RAB22A: variants seen among roughly 807,000 people sequenced by gnomAD.
RAB22A encodes the protein RAB22A, member RAS oncogene family, also known as ras-related protein Rab-22A.
In RAB22A, 13 loss-of-function variants were observed where a neutral mutation model predicts 30.2. The observed-to-expected ratio is 0.43, with a 90% CI of 0.28 to 0.68. The LOEUF is 0.68. Ranked by LOEUF, RAB22A falls within the 30% of genes least tolerant of loss-of-function variation. The probability of loss-of-function intolerance (pLI) is 0.18; values close to 1 mark genes in which losing one functional copy is unlikely to be tolerated. For missense variants in RAB22A, 177 were observed against 246.8 expected, an observed-to-expected ratio of 0.72 and a Z score of 1.89; for synonymous variants, 89 against 87.2, an observed-to-expected ratio of 1.02 and a Z score of -0.11.
intron 6 of RAB22A, among the ~76,000 whole-genome samples, chr20:58,357,031 T>A (rs1384347745): frequency 6.6e-6 from 1 of 152,246 alleles, no homozygotes; most frequent in African/African-American, 2.4e-5. Context: ...TAGGTATATT[T>A]ATACCCACAA....
At chr20:58,359,486 T>G in intron 6 of RAB22A, 120 bp from the exon 7 acceptor site, 2 of 660,298 alleles carry the variant, frequency 3.0e-6, no homozygotes, top group Non-Finnish European at 4.8e-6. Context: ...GTATAAAAAG[T>G]TTATTAAACT....
chr20:58,317,022 T>C (rs1986354347), intron 2 of RAB22A, among the ~76,000 whole-genome samples: 1 of 152,210 alleles, frequency 6.6e-6, no homozygotes, highest in Non-Finnish European at 1.5e-5. Context: ...TTCATGGAGA[T>C]GAGACATGGA....
chr20:58,311,708 T>C (rs978955255), intron 2 of RAB22A, among the ~76,000 whole-genome samples: 8 of 152,242 alleles, frequency 5.3e-5, no homozygotes, highest in African/African-American at 1.9e-4. Context: ...AGTTGTGTTT[T>C]ATAGGCTTTA....
chr20:58,332,832 C>G (rs187475762), intron 2 of RAB22A, among the ~76,000 whole-genome samples: 2 of 151,632 alleles, frequency 1.3e-5, no homozygotes, highest in Non-Finnish European at 2.9e-5. Context: ...TGCTGATAAC[C>G]GGAAATAAAG....
intron 2 of RAB22A, among the ~76,000 whole-genome samples, chr20:58,312,590 G>A (rs566076219): frequency 1.6e-4 from 21 of 134,304 alleles, no homozygotes; most frequent in Admixed American, 1.0e-3. Context: ...CTGGATTCAC[G>A]CCATTCTCCT....
intron 2 of RAB22A, 135 bp from the exon 3 acceptor site, chr20:58,343,583 C>T: frequency 3.2e-6 from 2 of 630,128 alleles, no homozygotes; most frequent in Non-Finnish European, 5.6e-6. Context: ...ATAAATACTC[C>T]AGAGAGGAAC....
chr20:58,327,923 G>A (rs765009242), intron 2 of RAB22A, among the ~76,000 whole-genome samples: 2 of 152,128 alleles, frequency 1.3e-5, no homozygotes, highest in African/African-American at 2.4e-5. Flanking sequence ...ACAATTAAAC[G>A]CAACATGTGC....
rs146257889 is a variant in RAB22A, at chr20:58,322,197, A to G, written c.116+11075A>G. On this transcript the variant is annotated intron_variant, in intron 2 of 6. Coordinates refer to ENST00000244040, the MANE Select transcript of RAB22A (RefSeq NM_020673.3). ...CGTTCTGAATTCTACTTGGTCTGATATTAATTTAAGCTCTTTGGCATTCTA... is the reference window on the plus strand; with the variant it reads ...CGTTCTGAATTCTACTTGGTCTGATGTTAATTTAAGCTCTTTGGCATTCTA... Among the ~76,000 whole-genome samples the G allele has an allele frequency of 4.3e-3, 658 of 152,316 alleles. 5 individuals are homozygous for G. Among genetic ancestry groups the G allele is most frequent in the African/African-American group, 0.015 (639 of 41,568 alleles).
intron 6 of RAB22A, among the ~76,000 whole-genome samples, chr20:58,355,969 T>A (rs775064035): frequency 6.6e-6 from 1 of 152,180 alleles, no homozygotes; most frequent in Non-Finnish European, 1.5e-5. Context: ...CATGAGTATG[T>A]TAAAATTACT....
At chr20:58,315,488 T>G (rs1270938271) in intron 2 of RAB22A, among the ~76,000 whole-genome samples, 1 of 152,134 alleles carries the variant, frequency 6.6e-6, no homozygotes, top group Non-Finnish European at 1.5e-5. Context: ...CTCCCTAGAC[T>G]TAGGGCCTTG....
At position 58,367,446 on chromosome 20, in the gene RAB22A, A is replaced by C. The variant is rs1045465; in HGVS notation, c.*7743A>C. On this transcript the variant is annotated 3_prime_UTR_variant, in exon 7 of 7. Transcript: ENST00000244040. ...TTTATAGAGTATAACATGCTAAATCACTGTTTTGTTGTAAGAAGGGTGTAA... is the reference window on the plus strand; with the variant it reads ...TTTATAGAGTATAACATGCTAAATCCCTGTTTTGTTGTAAGAAGGGTGTAA... 15 of 152,658 alleles carry C rather than the reference A, an allele frequency of 9.8e-5. No individual in the cohort carries two copies. The highest frequency in any genetic ancestry group is 3.4e-4 in the African/African-American group (14 of 41,458). 9.5% of individuals were successfully genotyped at this position (152,658 alleles called of 1,614,324 possible). A position where few individuals can be genotyped will look rare whatever the true frequency, so the allele number is the denominator to read the frequency against.
At chr20:58,350,752 A>G (rs892886946) in intron 3 of RAB22A, among the ~76,000 whole-genome samples, 8 of 152,244 alleles carry the variant, frequency 5.3e-5, no homozygotes, top group Non-Finnish European at 4.4e-5. Flanking sequence ...CAGCTGTCCC[A>G]GAAGGTTTTT....
At chr20:58,322,503 ATAT>A (rs1986481207) in intron 2 of RAB22A, among the ~76,000 whole-genome samples, 1 of 152,186 alleles carries the variant, frequency 6.6e-6, no homozygotes, top group African/African-American at 2.4e-5. Flanking sequence ...ATGACTGTCA[ATAT>A]TATTTGGTTT....
At chr20:58,319,890 T>C (rs1483794511) in intron 2 of RAB22A, among the ~76,000 whole-genome samples, 1 of 152,248 alleles carries the variant, frequency 6.6e-6, no homozygotes, top group Non-Finnish European at 1.5e-5. Context: ...GTTCATATTC[T>C]TTTTCTTTCT....
intron 2 of RAB22A, among the ~76,000 whole-genome samples, chr20:58,326,318 C>A (rs559448655): frequency 6.6e-6 from 1 of 152,232 alleles, no homozygotes; most frequent in African/African-American, 2.4e-5. Context: ...CCATAAGCAC[C>A]ACCATTGCTT....
intron 3 of RAB22A, among the ~76,000 whole-genome samples, chr20:58,344,244 C>A (rs560154027): frequency 6.6e-6 from 1 of 152,342 alleles, no homozygotes; most frequent in South Asian, 2.1e-4. Context: ...GATAAGCTAA[C>A]ACAGTGCCTT....
intron 3 of RAB22A, 42 bp downstream of exon 3, chr20:58,343,841 A>T (rs1434380085): frequency 1.4e-6 from 2 of 1,475,564 alleles, no homozygotes; most frequent in African/African-American, 2.8e-5. Context: ...TGAGGCCCAA[A>T]TGAAAGTTCC....
chr20:58,335,476 A>T (rs1425326943), intron 2 of RAB22A, among the ~76,000 whole-genome samples: 1 of 152,138 alleles, frequency 6.6e-6, no homozygotes. Context: ...AGGTTGGATG[A>T]TCTCCTAGGT....
chr20:58,331,209 G>A (rs919252853), intron 2 of RAB22A, among the ~76,000 whole-genome samples: 1 of 152,046 alleles, frequency 6.6e-6, no homozygotes, highest in Admixed American at 6.5e-5. Flanking sequence ...TATTGGAATG[G>A]TTGGATCTTC....
Sources: allele counts gnomAD v4.1 joint callset (sites outside exome capture counted in the v4.1 genomes callset), GRCh38; gene constraint gnomAD v4.1.1; transcripts MANE v1.5; gene names NCBI Gene and HGNC (gene_info 2026-07-23, HGNC 2026-07-21).